PRKCI: variants seen among roughly 807,000 people sequenced by gnomAD.
PRKCI encodes the protein protein kinase C iota type.
PRKCI carries 43 observed loss-of-function variants against 84.0 expected under a neutral mutation model. The observed-to-expected ratio is 0.51, with a 90% CI of 0.40 to 0.66. The LOEUF (loss-of-function observed/expected upper bound fraction) is 0.66. Ranked by LOEUF, PRKCI falls within the 30% of genes least tolerant of loss-of-function variation. PRKCI has a pLI of 0.00. For missense variants in PRKCI, 459 were observed against 745.6 expected (o/e 0.62, Z 4.48); for synonymous variants, 216 against 234.4 (o/e 0.92, Z 0.72).
intron 5 of PRKCI, among the ~76,000 whole-genome samples, 200 bp downstream of exon 5, chr3:170,268,200 G>T (rs1367565275): frequency 1.3e-5 from 2 of 152,138 alleles, no homozygotes; most frequent in African/African-American, 4.8e-5. Context: ...AATGCTCCAG[G>T]CCAGGTGTGG....
intron 16 of PRKCI, among the ~76,000 whole-genome samples, chr3:170,298,757 T>C (rs758938339): frequency 3.3e-5 from 5 of 152,178 alleles, no homozygotes; most frequent in African/African-American, 4.8e-5. Flanking sequence ...TCTGGGCTGG[T>C]CTTGAACTCC....
intron 12 of PRKCI, among the ~76,000 whole-genome samples, chr3:170,289,447 C>T (rs1426012394): frequency 6.6e-6 from 1 of 152,070 alleles, no homozygotes; most frequent in Admixed American, 6.6e-5. Context: ...GTGGTTGCCT[C>T]TAGGGAGCTG....
At chr3:170,271,241 C>T (rs1420711579) in intron 6 of PRKCI, among the ~76,000 whole-genome samples, 1 of 151,980 alleles carries the variant, frequency 6.6e-6, no homozygotes, top group East Asian at 1.9e-4. Flanking sequence ...TAATGAACTC[C>T]CATTTACTAG....
intron 1 of PRKCI, among the ~76,000 whole-genome samples, chr3:170,223,286 C>T (rs981264351): frequency 2.0e-5 from 3 of 152,104 alleles, no homozygotes; most frequent in African/African-American, 7.2e-5. Flanking sequence ...ATCTGCACTG[C>T]CAGTATATTA....
chr3:170,270,413 CTT>C lies in PRKCI; in HGVS notation c.451-5_451-4del. The C allele has an allele frequency of 6.9e-6, 11 of 1,591,576 alleles. No individual in the cohort carries two copies. Among genetic ancestry groups the C allele is most frequent in the Non-Finnish European group, 9.4e-6 (11 of 1,166,560 alleles). On this transcript the variant is annotated splice_polypyrimidine_tract_variant and splice_region_variant and intron_variant, in intron 5 of 17. Transcript: ENST00000295797. The stretch of plus-strand genomic sequence containing the variant: ...GTTAATAAAATATTGTTGAATTACT[CTT>C]TTCAGCGTGCTCACTGTGCCATCTG...
chr3:170,289,065 T>G (rs980264688), intron 12 of PRKCI, among the ~76,000 whole-genome samples: 1 of 152,214 alleles, frequency 6.6e-6, no homozygotes. Context: ...TCTAATAATA[T>G]CTGTTATGCT....
intron 4 of PRKCI, 43 bp from the exon 5 acceptor site, chr3:170,267,872 A>G (rs1733902611): frequency 7.1e-7 from 1 of 1,417,326 alleles, no homozygotes. Context: ...TTTTTACTCA[A>G]ACTTGCTCTT....
chr3:170,263,258 C>G, intron 3 of PRKCI, 121 bp from the exon 4 acceptor site: 8 of 715,662 alleles, frequency 1.1e-5, no homozygotes, highest in Non-Finnish European at 1.7e-5. Flanking sequence ...TATCTTGTCT[C>G]AAGTGAAGAG....
intron 11 of PRKCI, 149 bp from the exon 12 acceptor site, chr3:170,284,312 A>G (rs1212637531): frequency 3.2e-6 from 2 of 628,356 alleles, no homozygotes; most frequent in Admixed American, 6.7e-5. Flanking sequence ...CAGATGTTTT[A>G]AAGTGGTACT....
rs926016905 is a variant in PRKCI at position 170,274,718 on chromosome 3, C to CT, written c.647-501dup. 1.3e-3 allele frequency among the ~76,000 whole-genome samples: 197 copies of CT among 147,442 alleles called. 2 individuals carry two copies. The highest frequency in any genetic ancestry group is 3.6e-3 in the African/African-American group (146 of 40,390). The stretch of plus-strand genomic sequence containing the variant: ...TGATCAACTCTATGAAATGCAGGCT[C>CT]TTTTTTTTTTGCCCCAAGTAGCTTT... On this transcript the variant is annotated intron_variant, in intron 7 of 17. Coordinates refer to ENST00000295797, the MANE Select transcript of PRKCI (RefSeq NM_002740.6).
chr3:170,236,293 G>A (rs569953497), intron 2 of PRKCI, among the ~76,000 whole-genome samples: 28 of 151,570 alleles, frequency 1.8e-4, no homozygotes, highest in East Asian at 9.8e-4. Flanking sequence ...TAGAGACGGG[G>A]TTTTGCCGTG....
chr3:170,276,780 G>A (rs1407000905), intron 8 of PRKCI, among the ~76,000 whole-genome samples: 1 of 152,156 alleles, frequency 6.6e-6, no homozygotes, highest in Non-Finnish European at 1.5e-5. Context: ...GCCAAAAATT[G>A]ACAAGTGGGA....
intron 4 of PRKCI, among the ~76,000 whole-genome samples, chr3:170,265,912 C>A (rs955582251): frequency 6.6e-6 from 1 of 152,076 alleles, no homozygotes; most frequent in African/African-American, 2.4e-5. Context: ...TGAGCCACCG[C>A]GCCCGGCCTA....
chr3:170,268,048 C>G (rs776011253), intron 5 of PRKCI, 48 bp downstream of exon 5: 1 of 1,444,218 alleles, frequency 6.9e-7, no homozygotes, highest in South Asian at 1.2e-5. Context: ...GCTATTTTTT[C>G]CCTTTCTACT....
At chr3:170,257,996 C>T (rs998152027) in intron 2 of PRKCI, among the ~76,000 whole-genome samples, 3 of 151,174 alleles carry the variant, frequency 2.0e-5, no homozygotes, top group African/African-American at 7.3e-5. Flanking sequence ...GACTCAGAAA[C>T]GCCTTTGCCT....
intron 2 of PRKCI, among the ~76,000 whole-genome samples, chr3:170,247,641 A>G (rs1288522666): frequency 6.6e-6 from 1 of 151,290 alleles, no homozygotes; most frequent in Non-Finnish European, 1.5e-5. Context: ...GAGGCAGAAG[A>G]ATCACTTGAA....
chr3:170,224,349 A>G (rs998676334), intron 1 of PRKCI, among the ~76,000 whole-genome samples: 4 of 152,112 alleles, frequency 2.6e-5, no homozygotes, highest in Admixed American at 6.6e-5. Flanking sequence ...AATCAGTACC[A>G]AGAAACGTGT....
intron 10 of PRKCI, 142 bp from the exon 11 acceptor site, chr3:170,281,740 C>A: frequency 9.1e-7 from 1 of 1,103,238 alleles, no homozygotes; most frequent in Non-Finnish European, 1.2e-6. Flanking sequence ...ACCCTAGATA[C>A]CCTTTGTTTC....
intron 2 of PRKCI, among the ~76,000 whole-genome samples, chr3:170,239,665 A>G (rs1008276754): frequency 6.6e-6 from 1 of 151,584 alleles, no homozygotes; most frequent in African/African-American, 2.4e-5. Flanking sequence ...CTCAAATGTC[A>G]TGTCCTCCAA....
Sources: allele counts gnomAD v4.1 joint callset (sites outside exome capture counted in the v4.1 genomes callset), GRCh38; gene constraint gnomAD v4.1.1; transcripts MANE v1.5; gene names NCBI Gene and HGNC (gene_info 2026-07-23, HGNC 2026-07-21).